ADGRL4: variants seen among roughly 807,000 people sequenced by gnomAD.
The protein encoded by ADGRL4 is EGF, latrophilin and seven transmembrane domain containing 1.
A neutral mutation model predicts 74.8 loss-of-function variants in ADGRL4; 90 were observed. The observed-to-expected ratio is 1.20, with a 90% confidence interval of 1.02 to 1.43. ADGRL4 has a LOEUF of 1.43. Ranked by LOEUF, ADGRL4 falls within the 40% of genes most tolerant of loss-of-function variation. The pLI is 0.00. For synonymous variants in ADGRL4, 311 were observed against 279.2 expected (o/e 1.11, Z -1.14); for missense variants, 881 against 814.3 (o/e 1.08, Z -1.00).
intron 3 of ADGRL4, among the ~76,000 whole-genome samples, chr1:78,941,892 G>GTAAT (rs1553136219): frequency 6.6e-6 from 1 of 152,034 alleles, no homozygotes; most frequent in Non-Finnish European, 1.5e-5. Context: ...ATAACCTTGG[G>GTAAT]TAATATCTTA....
intron 7 of ADGRL4, among the ~76,000 whole-genome samples, chr1:78,934,215 AC>A (rs1283218179): frequency 3.9e-5 from 6 of 152,174 alleles, no homozygotes; most frequent in African/African-American, 1.4e-4. Flanking sequence ...TGGTACTAGT[AC>A]CAAAAAGAAC....
Position 78,890,455 on chromosome 1 carries a change from T to G in ADGRL4, c.*699A>C, listed in dbSNP as rs778089884. 11 of 151,830 alleles carry G rather than the reference T, an allele frequency of 7.2e-5. No homozygotes were observed. The highest frequency in any genetic ancestry group is 1.2e-4 in the Non-Finnish European group (8 of 67,914). The allele number at this position is 151,830 out of a possible 1,614,324, so 9.4% of individuals were successfully genotyped here. ...ATCTCAGTCTAACCTTAGAAACAGA[T>G]TTTTTTCACTTTTTTTTTTTCAATT... On this transcript the variant is annotated 3_prime_UTR_variant, in exon 15 of 15. Coordinates refer to ENST00000370742, the MANE Select transcript of ADGRL4 (RefSeq NM_022159.4).
intron 2 of ADGRL4, among the ~76,000 whole-genome samples, chr1:78,955,216 A>G (rs948757777): frequency 6.6e-6 from 1 of 152,112 alleles, no homozygotes; most frequent in Non-Finnish European, 1.5e-5. Context: ...TTGTATATTT[A>G]CATGACATTT....
intron 2 of ADGRL4, 150 bp downstream of exon 2, chr1:79,004,920 A>C: frequency 1.8e-6 from 1 of 556,528 alleles, no homozygotes; most frequent in Non-Finnish European, 2.9e-6. Flanking sequence ...GGTAAGTCAA[A>C]CTTACTGTTT....
chr1:78,931,602 G>T (rs759165046), intron 7 of ADGRL4, among the ~76,000 whole-genome samples: 1 of 151,314 alleles, frequency 6.6e-6, no homozygotes, highest in Non-Finnish European at 1.5e-5. Context: ...AGTGTAAGTA[G>T]GCTAAATGCC....
intron 2 of ADGRL4, among the ~76,000 whole-genome samples, chr1:78,997,530 T>G (rs1650742001): frequency 6.6e-6 from 1 of 152,202 alleles, no homozygotes; most frequent in South Asian, 2.1e-4. Context: ...AATAAGTTTT[T>G]TTTTGTTGTG....
chr1:78,998,304 G>T (rs1320662862), intron 2 of ADGRL4, among the ~76,000 whole-genome samples: 4 of 142,428 alleles, frequency 2.8e-5, no homozygotes, highest in Non-Finnish European at 6.1e-5. Flanking sequence ...ATGAACAGGA[G>T]TTAAACTCTT....
At chr1:78,902,327 A>C (rs1648537166) in intron 12 of ADGRL4, among the ~76,000 whole-genome samples, 1 of 152,144 alleles carries the variant, frequency 6.6e-6, no homozygotes. Context: ...TTCCAAGTCT[A>C]TTTATTAATT....
chr1:78,966,255 T>A (rs1250547909), intron 2 of ADGRL4, among the ~76,000 whole-genome samples: 2 of 152,182 alleles, frequency 1.3e-5, no homozygotes, highest in Admixed American at 6.6e-5. Flanking sequence ...ATTCAATCTG[T>A]GATCGGGGAA....
intron 2 of ADGRL4, among the ~76,000 whole-genome samples, chr1:78,976,642 C>A (rs1219927540): frequency 6.6e-6 from 1 of 151,470 alleles, no homozygotes; most frequent in African/African-American, 2.4e-5. Flanking sequence ...TATTTACTTT[C>A]TGAATCTTTA....
At chr1:78,996,490 C>T (rs189227187) in intron 2 of ADGRL4, among the ~76,000 whole-genome samples, 196 of 152,296 alleles carry the variant, frequency 1.3e-3, no homozygotes, top group African/African-American at 4.5e-3. Context: ...GAAGTGAAGG[C>T]ACAGGCACAT....
intron 12 of ADGRL4, among the ~76,000 whole-genome samples, chr1:78,909,912 T>C (rs918702940): frequency 6.6e-6 from 1 of 151,866 alleles, no homozygotes; most frequent in Non-Finnish European, 1.5e-5. Flanking sequence ...AATAGGAAAG[T>C]TGTTAAATAA....
intron 10 of ADGRL4, among the ~76,000 whole-genome samples, 198 bp from the exon 11 acceptor site, chr1:78,918,248 A>G (rs900460043): frequency 6.6e-6 from 1 of 151,882 alleles, no homozygotes; most frequent in Non-Finnish European, 1.5e-5. Context: ...ATCAGCGTGA[A>G]ATATTAACCA....
intron 12 of ADGRL4, among the ~76,000 whole-genome samples, chr1:78,904,900 G>A (rs1392284191): frequency 1.3e-5 from 2 of 151,980 alleles, no homozygotes; most frequent in Admixed American, 6.6e-5. Context: ...ATTATTATCA[G>A]TAGTGGTTAT....
Position 78,946,407 on chromosome 1 carries a change from AT to A in ADGRL4, c.191del (p.Asn64IlefsTer2). 6.2e-7 allele frequency: 1 copy of A among 1,610,540 alleles called. No homozygotes were observed. Among genetic ancestry groups the A allele is most frequent in the Non-Finnish European group, 8.5e-7 (1 of 1,178,584 alleles). ...CATTTTCGCCACAGGACTGAGTTAA[AT>A]TTCCACATTCATTATCATCTGTTGG... Reference protein sequence around the residue: ...TICEDDNECGNLTQSCGENAN... With the variant: ...TICEDDNECGXLTQSCGENAN... On this transcript the variant is annotated frameshift_variant, in exon 3 of 15. Transcript: ENST00000370742. LOFTEE classifies it high-confidence loss of function.
At position 78,939,950 on chromosome 1, in the gene ADGRL4, G is replaced by A. The variant is rs142265442; in HGVS notation, c.326-692C>T. Among the ~76,000 whole-genome samples, 16 of 152,210 alleles carry A rather than the reference G, an allele frequency of 1.1e-4. 1 individual carries two copies. Among genetic ancestry groups the A allele is most frequent in the African/African-American group, 3.4e-4 (14 of 41,550 alleles). On this transcript the variant is annotated intron_variant, in intron 3 of 14. Transcript: ENST00000370742. ...TTTAGACAATGGCAGAACAAACTTA[G>A]ATGCATATACTTTTTAACTTTAATT... is the stretch of plus-strand genomic sequence containing the variant.
intron 2 of ADGRL4, among the ~76,000 whole-genome samples, chr1:79,003,419 T>G (rs4650625): frequency 0.27 from 41,314 of 151,600 alleles, 5,676 homozygotes; most frequent in Non-Finnish European, 0.29. Context: ...GAATTTAAGT[T>G]TAACATGAAC....
chr1:78,924,709 AG>A lies in ADGRL4; in HGVS notation c.1083+2176del, dbSNP rs1168790245. 3.3e-5 allele frequency among the ~76,000 whole-genome samples: 5 copies of A among 152,258 alleles called. No individual in the cohort carries two copies. In the East Asian group the frequency reaches 9.7e-4, roughly 29 times the overall value. ...TAGAAATTTAAGCAAGTGAAAATAA[AG>A]GAATTTATTAACACCAGGGAAATGA... On this transcript the variant is annotated intron_variant, in intron 8 of 14. Transcript: ENST00000370742.
At chr1:78,893,352 G>A (rs562388713) in intron 12 of ADGRL4, among the ~76,000 whole-genome samples, 163 bp from the exon 13 acceptor site, 5 of 151,956 alleles carry the variant, frequency 3.3e-5, no homozygotes, top group South Asian at 2.1e-4. Context: ...AAGTGGTACC[G>A]AAAGCAACCT....
Sources: gnomAD v4.1 joint callset for allele counts (sites outside exome capture counted in the v4.1 genomes callset) on GRCh38, gnomAD v4.1.1 for gene constraint, MANE v1.5 for transcripts, NCBI Gene and HGNC (gene_info 2026-07-23, HGNC 2026-07-21) for gene names.